TAF6L: variants seen among roughly 807,000 people sequenced by gnomAD.
TAF6L encodes the protein TAF6-like RNA polymerase II p300/CBP-associated factor-associated factor 65 kDa subunit 6L.
TAF6L carries 34 observed loss-of-function variants against 57.3 expected under a neutral mutation model. That is an observed-to-expected ratio of 0.59 (90% confidence interval 0.45 to 0.79). The LOEUF (loss-of-function observed/expected upper bound fraction) is 0.79, where lower values mean the gene tolerates loss of function less well. Ranked by LOEUF, TAF6L falls within the 30% of genes least tolerant of loss-of-function variation. TAF6L has a pLI of 0.00. For synonymous variants in TAF6L, 417 were observed against 376.3 expected, an observed-to-expected ratio of 1.11 and a Z score of -1.25; for missense variants, 782 against 853.2, an observed-to-expected ratio of 0.92 and a Z score of 1.04.
intron 6 of TAF6L, among the ~76,000 whole-genome samples, chr11:62,781,239 GAAAAAA>G (rs572508048): frequency 9.5e-6 from 1 of 105,508 alleles, no homozygotes; most frequent in Non-Finnish European, 1.8e-5. Context: ...CCATCTCAAA[GAAAAAA>G]AAAAAAGAAA....
chr11:62,786,048 C>A, intron 9 of TAF6L: 1 of 546,214 alleles, frequency 1.8e-6, no homozygotes, highest in Non-Finnish European at 3.2e-6. Flanking sequence ...TTTTTATTGT[C>A]TCCCTTTGTA....
intron 5 of TAF6L, 185 bp downstream of exon 5, chr11:62,778,520 T>C (rs2084203794): frequency 7.3e-6 from 5 of 683,844 alleles, no homozygotes; most frequent in Non-Finnish European, 1.3e-5. Flanking sequence ...GGCCCAGACC[T>C]GTAACTAGTC....
intron 6 of TAF6L, among the ~76,000 whole-genome samples, chr11:62,780,028 G>A (rs1463176113): frequency 7.2e-6 from 1 of 139,334 alleles, no homozygotes; most frequent in African/African-American, 2.8e-5. Flanking sequence ...TGCCCAGGCT[G>A]GTGAAACTCC....
At chr11:62,780,831 C>T (rs951781624) in intron 6 of TAF6L, among the ~76,000 whole-genome samples, 1 of 147,076 alleles carries the variant, frequency 6.8e-6, no homozygotes, top group Non-Finnish European at 1.5e-5. Context: ...TAGCTACTTG[C>T]GAGGCTGATG....
chr11:62,784,515 C>G (rs1486656913), intron 9 of TAF6L, among the ~76,000 whole-genome samples: 1 of 151,802 alleles, frequency 6.6e-6, no homozygotes, highest in African/African-American at 2.4e-5. Context: ...ACCGTGTTAG[C>G]CAGGATGGTC....
chr11:62,779,976 A>ATTTTT (rs1277954265), intron 6 of TAF6L, among the ~76,000 whole-genome samples: 3 of 52,620 alleles, frequency 5.7e-5, no homozygotes, highest in African/African-American at 1.5e-4. Context: ...ATATATATAT[A>ATTTTT]TTTTTTTTTT....
chr11:62,779,978 T>A lies in TAF6L; in HGVS notation c.531+1015T>A, dbSNP rs11231214. On this transcript the variant is annotated intron_variant, in intron 6 of 10. Transcript: ENST00000294168. The stretch of plus-strand genomic sequence containing the variant: ...TATATATATATATATATATATATAT[T>A]TTTTTTTTTTTTTTTTTTAGAGACA... Among the ~76,000 whole-genome samples, 691 of 74,036 alleles carry A rather than the reference T, an allele frequency of 9.3e-3. 3 individuals carry two copies. Among genetic ancestry groups the A allele is most frequent in the Admixed American group, 0.039 (201 of 5,170 alleles). The allele number at this position is 74,036 out of a possible 152,430, so 48.6% of individuals were successfully genotyped here. A position where few individuals can be genotyped will look rare whatever the true frequency, so the allele number is the denominator to read the frequency against.
chr11:62,779,976 A>ATATATATATATATATATTTTTTTT (rs1294367864), intron 6 of TAF6L, among the ~76,000 whole-genome samples: 5 of 52,614 alleles, frequency 9.5e-5, no homozygotes, highest in Non-Finnish European at 1.5e-4. Context: ...ATATATATAT[A>ATATATATATATATATATTTTTTTT]TTTTTTTTTT....
intron 5 of TAF6L, 33 bp downstream of exon 5, chr11:62,778,368 A>G: frequency 6.2e-7 from 1 of 1,613,666 alleles, no homozygotes; most frequent in South Asian, 1.1e-5. Flanking sequence ...GGCTCTTTGG[A>G]TGAATTTTCT....
intron 1 of TAF6L, among the ~76,000 whole-genome samples, chr11:62,775,202 C>G (rs1346506925): frequency 6.6e-6 from 1 of 152,044 alleles, no homozygotes; most frequent in Non-Finnish European, 1.5e-5. Context: ...GTGGCTGCAG[C>G]TAGGAGAAGT....
chr11:62,786,110 A>T, intron 9 of TAF6L, 150 bp from the exon 10 acceptor site: 1 of 968,960 alleles, frequency 1.0e-6, no homozygotes, highest in Non-Finnish European at 1.5e-6. Context: ...GTTCCAAATA[A>T]ATATATGGTT....
At chr11:62,784,179 G>A (rs1186444625) in intron 9 of TAF6L, among the ~76,000 whole-genome samples, 6 of 148,378 alleles carry the variant, frequency 4.0e-5, no homozygotes, top group African/African-American at 1.2e-4. Flanking sequence ...TAGTAGAGAC[G>A]GGGTTTCACA....
intron 9 of TAF6L, among the ~76,000 whole-genome samples, 190 bp downstream of exon 9, chr11:62,783,015 A>G (rs1471233795): frequency 6.6e-6 from 1 of 152,214 alleles, no homozygotes; most frequent in Non-Finnish European, 1.5e-5. Flanking sequence ...AAAGTCCTAT[A>G]TGGCAGATAC....
At chr11:62,771,950 A>G (rs1241877565) in intron 1 of TAF6L, 4 of 362,854 alleles carry the variant, frequency 1.1e-5, no homozygotes, top group Admixed American at 7.3e-5. Context: ...TCTCCAATCC[A>G]TGTCTTTGGG....
intron 1 of TAF6L, among the ~76,000 whole-genome samples, chr11:62,772,887 G>GT (rs1262486447): frequency 5.4e-5 from 8 of 146,850 alleles, no homozygotes; most frequent in South Asian, 4.4e-4. Context: ...TTTGTTTTGT[G>GT]TTTTTTTTGA....
intron 9 of TAF6L, among the ~76,000 whole-genome samples, chr11:62,785,854 G>A (rs1044425002): frequency 6.6e-6 from 1 of 152,180 alleles, no homozygotes; most frequent in African/African-American, 2.4e-5. Flanking sequence ...ATTTTAAATT[G>A]TATAATCAGA....
chr11:62,776,445 G>A lies in TAF6L; in HGVS notation c.209G>A (p.Arg70Lys). Residue 70 changes from arginine (R) to lysine (K), a missense_variant, in exon 3 of 11, where the codon AGG becomes AAG. Physicochemically the swap from Arg to Lys is conservative, Grantham distance 26 (BLOSUM62 2). This residue lies in a region of TAF6L where 220 missense variants were observed against 252.1 expected (regional missense o/e 0.87). Coordinates refer to ENST00000294168, the MANE Select transcript of TAF6L (RefSeq NM_006473.4). ...RRKLTVEDFN[R>K]ALRWSSVEAV... ...AAGCTGACGGTTGAGGACTTCAACA[G>A]GGCCCTCAGATGGAGCAGCGTGGAG... 1.9e-6 allele frequency: 3 copies of A among 1,613,800 alleles called. No individual in the cohort carries two copies. In the South Asian group the frequency reaches 3.3e-5, roughly 18 times the overall value.
At position 62,775,790 on chromosome 11, in the gene TAF6L, G is replaced by C. The variant is rs767130143; in HGVS notation, c.7G>C (p.Glu3Gln). The change falls in exon 2 of 11, where the codon GAG becomes CAG. Residue 3 changes from glutamate to glutamine, a missense_variant. Coordinates refer to ENST00000294168, the MANE Select transcript of TAF6L (RefSeq NM_006473.4). ...TCCCAGCTCCACTGGGGCCATGTCA[G>C]AGCGAGAAGAGCGGCGGTTTGTGGA... MS[E>Q]REERRFVEIP... 6.2e-7 allele frequency: 1 copy of C among 1,608,238 alleles called. No homozygotes were observed. Among genetic ancestry groups the C allele is most frequent in the Non-Finnish European group, 8.5e-7 (1 of 1,179,558 alleles).
intron 6 of TAF6L, 110 bp from the exon 7 acceptor site, chr11:62,781,784 T>TTAAAATTG: frequency 1.0e-6 from 1 of 965,836 alleles, no homozygotes; most frequent in East Asian, 2.5e-5. Context: ...AATATGAACA[T>TTAAAATTG]TAAAATTGTA....
Sources: allele counts gnomAD v4.1 joint callset (sites outside exome capture counted in the v4.1 genomes callset), GRCh38; gene constraint gnomAD v4.1.1; regional missense constraint gnomAD v4.1.1; transcripts MANE v1.5; gene names NCBI Gene and HGNC (gene_info 2026-07-23, HGNC 2026-07-21).